Variants in KAZN observed in about 807,000 individuals in gnomAD.
KAZN encodes kazrin, periplakin interacting protein, also known as kazrin.
In KAZN, 40 loss-of-function variants were observed where a neutral mutation model predicts 87.4. That is an observed-to-expected ratio of 0.46 (90% CI 0.36 to 0.60). The LOEUF (loss-of-function observed/expected upper bound fraction) is 0.60. Ranked by LOEUF, KAZN falls within the 20% of genes least tolerant of loss-of-function variation. KAZN has a pLI of 0.00. For missense variants in KAZN, 898 were observed against 1,073.9 expected, an observed-to-expected ratio of 0.84 and a Z score of 2.29; for synonymous variants, 466 against 458.3, an observed-to-expected ratio of 1.02 and a Z score of -0.22.
At chr1:14,061,693 T>C (rs2101519349) in intron 1 of KAZN, among the ~76,000 whole-genome samples, 1 of 152,332 alleles carries the variant, frequency 6.6e-6, no homozygotes, top group South Asian at 2.1e-4. Flanking sequence ...ATCTTTTTCA[T>C]CACAGTACTC....
At chr1:14,460,797 A>C (rs1298364786) in intron 2 of KAZN, among the ~76,000 whole-genome samples, 1 of 152,220 alleles carries the variant, frequency 6.6e-6, no homozygotes, top group Non-Finnish European at 1.5e-5. Context: ...GGCATTTTAC[A>C]GTTCACCAAG....
At chr1:14,957,075 G>A (rs1663205487) in intron 1 of KAZN, among the ~76,000 whole-genome samples, 1 of 152,178 alleles carries the variant, frequency 6.6e-6, no homozygotes, top group South Asian at 2.1e-4. Context: ...TTCTTCGTGT[G>A]TGCGTCTATT....
At chr1:14,100,752 T>C (rs557625013) in intron 1 of KAZN, among the ~76,000 whole-genome samples, 18 of 152,336 alleles carry the variant, frequency 1.2e-4, no homozygotes, top group African/African-American at 4.3e-4. Context: ...TTAGGCACAG[T>C]GAGCCAGTCT....
chr1:14,515,429 A>C (rs886097039), intron 2 of KAZN, among the ~76,000 whole-genome samples: 1 of 152,234 alleles, frequency 6.6e-6, no homozygotes, highest in East Asian at 1.9e-4. Flanking sequence ...TGTTCATGAC[A>C]TGGAAGCGGC....
intron 1 of KAZN, among the ~76,000 whole-genome samples, chr1:14,884,284 C>T (rs1653803495): frequency 6.6e-6 from 1 of 151,968 alleles, no homozygotes; most frequent in Non-Finnish European, 1.5e-5. Context: ...CCCAGCTACT[C>T]GGGAGGCTGA....
intron 1 of KAZN, among the ~76,000 whole-genome samples, chr1:13,930,549 G>A (rs1281257850): frequency 6.6e-6 from 1 of 152,132 alleles, no homozygotes; most frequent in African/African-American, 2.4e-5. Context: ...TCTACTTTGT[G>A]ATGCTACTAT....
chr1:14,179,007 T>A (rs960389332), intron 1 of KAZN, among the ~76,000 whole-genome samples: 1 of 152,202 alleles, frequency 6.6e-6, no homozygotes, highest in Non-Finnish European at 1.5e-5. Flanking sequence ...CTTTGGCTGG[T>A]GAGCATGTCA....
chr1:14,101,091 T>C (rs2101644424), intron 1 of KAZN, among the ~76,000 whole-genome samples: 1 of 152,312 alleles, frequency 6.6e-6, no homozygotes, highest in South Asian at 2.1e-4. Flanking sequence ...CGGTCTCGGG[T>C]ATTTATCAGC....
chr1:14,878,311 G>A (rs533392534), intron 1 of KAZN, among the ~76,000 whole-genome samples: 1 of 152,026 alleles, frequency 6.6e-6, no homozygotes, highest in East Asian at 1.9e-4. Context: ...GTTCTTTGGG[G>A]GGGTGGCTGT....
At chr1:14,152,923 G>T (rs1422064134) in intron 1 of KAZN, among the ~76,000 whole-genome samples, 1 of 152,070 alleles carries the variant, frequency 6.6e-6, no homozygotes, top group Admixed American at 6.5e-5. Context: ...GTTTTGATTT[G>T]CATTTATCTG....
intron 3 of KAZN, 125 bp downstream of exon 3, chr1:15,035,010 T>C (rs1437848335): frequency 1.6e-5 from 19 of 1,205,908 alleles, no homozygotes; most frequent in Non-Finnish European, 2.2e-5. Context: ...GCCCTTGATG[T>C]GTCCAGCCAG....
At chr1:13,896,277 G>A (rs917932350) in intron 1 of KAZN, among the ~76,000 whole-genome samples, 3 of 151,980 alleles carry the variant, frequency 2.0e-5, no homozygotes, top group Non-Finnish European at 4.4e-5. Context: ...AAGTGTATAC[G>A]AATGGGCATG....
At chr1:14,197,964 A>T (rs1646562752) in intron 2 of KAZN, among the ~76,000 whole-genome samples, 1 of 152,160 alleles carries the variant, frequency 6.6e-6, no homozygotes, top group Non-Finnish European at 1.5e-5. Context: ...CTGAATAAAG[A>T]CATGTGTCCT....
At chr1:14,502,029 T>C (rs1670284280) in intron 2 of KAZN, among the ~76,000 whole-genome samples, 2 of 152,178 alleles carry the variant, frequency 1.3e-5, no homozygotes, top group South Asian at 4.2e-4. Context: ...AGTTTTGAAA[T>C]TAGTTAGTGG....
At chr1:14,457,400 T>C (rs1667622428) in intron 2 of KAZN, among the ~76,000 whole-genome samples, 1 of 152,232 alleles carries the variant, frequency 6.6e-6, no homozygotes, top group African/African-American at 2.4e-5. Context: ...AAGTTATTTG[T>C]ACATCTATAT....
In KAZN at chr1:14,772,927, G is replaced by A. The variant is rs190276167; in HGVS notation, c.226+173704G>A. 4.7e-4 allele frequency among the ~76,000 whole-genome samples: 71 copies of A among 152,134 alleles called. No homozygotes were observed. In the East Asian group the frequency reaches 0.01, roughly 22 times the overall value. ...GGCCTTCTGTGTGCTTGGGTTTCCC[G>A]TGCCTGGGGTGTGAGGGGCCCAGGC... is the stretch of plus-strand genomic sequence containing the variant. On this transcript the variant is annotated intron_variant, in intron 1 of 14. Coordinates refer to ENST00000376030, the MANE Select transcript of KAZN (RefSeq NM_201628.3).
chr1:14,280,467 TCAGA>T (rs1029933685), intron 2 of KAZN, among the ~76,000 whole-genome samples: 15 of 147,816 alleles, frequency 1.0e-4, no homozygotes, highest in African/African-American at 3.7e-4. Context: ...AACTGTGGAC[TCAGA>T]CAGGCACACA....
At chr1:13,901,199 G>T (rs1334559942) in intron 1 of KAZN, among the ~76,000 whole-genome samples, 1 of 152,210 alleles carries the variant, frequency 6.6e-6, no homozygotes, top group African/African-American at 2.4e-5. Flanking sequence ...GACCGAGTTT[G>T]CCTGGGGTTT....
chr1:14,186,780 C>T (rs1437519468), intron 2 of KAZN, among the ~76,000 whole-genome samples: 1 of 152,128 alleles, frequency 6.6e-6, no homozygotes, highest in Non-Finnish European at 1.5e-5. Flanking sequence ...CTGCCTGCTG[C>T]ATGCGTGGAC....
Sources: gnomAD v4.1 joint callset for allele counts (sites outside exome capture counted in the v4.1 genomes callset) on GRCh38, gnomAD v4.1.1 for gene constraint, MANE v1.5 for transcripts, NCBI Gene and HGNC (gene_info 2026-07-23, HGNC 2026-07-21) for gene names.